The following ZSWIM7 variants were observed in gnomAD, a reference collection of about 807,000 sequenced individuals.
The protein encoded by ZSWIM7 is zinc finger SWIM-type containing 7.
ZSWIM7 carries 22 observed loss-of-function variants against 21.1 expected under a neutral mutation model. The observed-to-expected ratio is 1.04, with a 90% CI of 0.74 to 1.49. The LOEUF (loss-of-function observed/expected upper bound fraction) is 1.49, where lower values mean the gene tolerates loss of function less well. Among genes scored for constraint, ZSWIM7 ranks in the 40% most tolerant of loss-of-function variants. The probability of loss-of-function intolerance (pLI) is 0.00; values close to 1 mark genes in which losing one functional copy is unlikely to be tolerated. For synonymous variants in ZSWIM7, 67 were observed against 66.5 expected (o/e 1.01, Z -0.04); for missense variants, 193 against 168.0 (o/e 1.15, Z -0.82).
At chr17:15,992,041 C>A (rs1248204699) in intron 2 of ZSWIM7, among the ~76,000 whole-genome samples, 3 of 151,954 alleles carry the variant, frequency 2.0e-5, no homozygotes, top group Admixed American at 6.6e-5. Context: ...ATTCTCCTGC[C>A]TCAGCCCCCC....
At chr17:15,995,239 A>G (rs1244295216) in intron 1 of ZSWIM7, among the ~76,000 whole-genome samples, 44 of 151,856 alleles carry the variant, frequency 2.9e-4, no homozygotes, top group Non-Finnish European at 1.5e-5. Flanking sequence ...GTCTGAGGCC[A>G]GCCTGGGCAA....
Position 15,999,647 on chromosome 17 carries a change from T to G in ZSWIM7, c.-53A>C. ...CGGCGGACCGCCGCGACGCTCCAGC[T>G]GACTGCGCCTACCTGTGGAGGATCC... On this transcript the variant is annotated 5_prime_UTR_variant, in exon 1 of 5. Coordinates refer to ENST00000399277, the MANE Select transcript of ZSWIM7 (RefSeq NM_001042697.2). 6.4e-7 allele frequency: 1 copy of G among 1,565,484 alleles called. No individual in the cohort carries two copies. Among genetic ancestry groups the G allele is most frequent in the Non-Finnish European group, 8.6e-7 (1 of 1,156,250 alleles).
intron 4 of ZSWIM7, among the ~76,000 whole-genome samples, chr17:15,978,822 T>C (rs1232988747): frequency 6.6e-6 from 1 of 152,134 alleles, no homozygotes; most frequent in Non-Finnish European, 1.5e-5. Context: ...ACAGCAATGG[T>C]TAACATTCCT....
At chr17:15,985,097 A>G (rs1331211218) in intron 3 of ZSWIM7, among the ~76,000 whole-genome samples, 1 of 152,212 alleles carries the variant, frequency 6.6e-6, no homozygotes, top group Non-Finnish European at 1.5e-5. Context: ...TGAGGTCAGG[A>G]GTTTGAGACC....
At chr17:15,987,141 G>A in intron 3 of ZSWIM7, 125 bp downstream of exon 3, 1 of 673,644 alleles carries the variant, frequency 1.5e-6, no homozygotes, top group Non-Finnish European at 2.3e-6. Context: ...ATTTTACCAA[G>A]TTGGGGCAAA....
chr17:15,996,361 CAG>C (rs967705520), intron 1 of ZSWIM7, among the ~76,000 whole-genome samples: 10 of 151,950 alleles, frequency 6.6e-5, no homozygotes, highest in Non-Finnish European at 1.5e-4. Context: ...AAGCCTCAAA[CAG>C]GGGCCGGTGT....
rs113240570 is a variant in ZSWIM7, at chr17:15,980,647, G to A, written c.306+393C>T. 3.0e-4 allele frequency among the ~76,000 whole-genome samples: 45 copies of A among 152,296 alleles called. 1 individual carries two copies. The highest frequency in any genetic ancestry group is 2.9e-4 in the African/African-American group (12 of 41,568). ...TACTCATGCCCCATGTGAAGGTCAA[G>A]TGTGGTGTCAGGCTGTCTCACAGGT... On this transcript the variant is annotated intron_variant, in intron 4 of 4. Coordinates refer to ENST00000399277, the MANE Select transcript of ZSWIM7 (RefSeq NM_001042697.2).
At chr17:15,993,095 C>G (rs1188202991) in intron 2 of ZSWIM7, among the ~76,000 whole-genome samples, 1 of 152,018 alleles carries the variant, frequency 6.6e-6, no homozygotes, top group Admixed American at 6.6e-5. Context: ...TCAGGCTGGT[C>G]TTGAACTCCT....
At chr17:15,982,029 C>T (rs1201499477) in intron 3 of ZSWIM7, among the ~76,000 whole-genome samples, 1 of 152,142 alleles carries the variant, frequency 6.6e-6, no homozygotes, top group African/African-American at 2.4e-5. Flanking sequence ...AATGACTCAG[C>T]TGTTCAGGAT....
In ZSWIM7 at chr17:15,976,704, G is replaced by C. The variant is rs1970281993; in HGVS notation, c.*1343C>G. 1 of 152,134 alleles carries C rather than the reference G, an allele frequency of 6.6e-6. No individual in the cohort carries two copies. Among genetic ancestry groups the C allele is most frequent in the African/African-American group, 2.4e-5 (1 of 41,440 alleles). The allele number at this position is 152,134 out of a possible 1,614,324, so 9.4% of individuals were successfully genotyped here. A position where few individuals can be genotyped will look rare whatever the true frequency, so the allele number is the denominator to read the frequency against. ...TCATTCACTAGCACCTCATGTTTTG[G>C]GGGCACAAGCACAGGGCTTTCTTAG... On this transcript the variant is annotated 3_prime_UTR_variant, in exon 5 of 5. Coordinates refer to ENST00000399277, the MANE Select transcript of ZSWIM7 (RefSeq NM_001042697.2).
intron 4 of ZSWIM7, among the ~76,000 whole-genome samples, chr17:15,979,788 C>CA (rs1970329986): frequency 8.6e-6 from 1 of 116,600 alleles, no homozygotes; most frequent in Non-Finnish European, 1.8e-5. Flanking sequence ...GCTGGCCGGG[C>CA]GGGGGGCTGA....
intron 3 of ZSWIM7, among the ~76,000 whole-genome samples, chr17:15,982,943 A>C (rs1368506876): frequency 6.6e-6 from 1 of 152,140 alleles, no homozygotes; most frequent in African/African-American, 2.4e-5. Context: ...ATGAGCTACC[A>C]CACCCAGCCT....
At chr17:15,979,538 G>A (rs1172124760) in intron 4 of ZSWIM7, among the ~76,000 whole-genome samples, 3 of 151,956 alleles carry the variant, frequency 2.0e-5, no homozygotes, top group Admixed American at 1.3e-4. Flanking sequence ...CCGGGCAGAG[G>A]GGCTCCTCAC....
At chr17:15,986,543 T>C (rs1970413357) in intron 3 of ZSWIM7, among the ~76,000 whole-genome samples, 2 of 151,990 alleles carry the variant, frequency 1.3e-5, no homozygotes, top group Non-Finnish European at 2.9e-5. Context: ...GGAGGACTGC[T>C]TGAGGCCAGG....
At chr17:15,979,938 C>T (rs1162131648) in intron 4 of ZSWIM7, among the ~76,000 whole-genome samples, 1 of 109,298 alleles carries the variant, frequency 9.1e-6, no homozygotes, top group Non-Finnish European at 1.9e-5. Flanking sequence ...CCGGACGGGG[C>T]GGCTGGCCGG....
chr17:15,987,269 G>A lies in ZSWIM7; in HGVS notation c.198C>T (p.Tyr66=), dbSNP rs767640416. The A allele has an allele frequency of 6.2e-7, 1 of 1,611,852 alleles. No individual in the cohort carries two copies. The highest frequency in any genetic ancestry group is 1.7e-5 in the Admixed American group (1 of 59,542). ...LISSPSGRRV[Y]QVLGSSSKTY... ...ACCCCCATCTCTAGACTTCTACCTGGTAAACACGCCTTCCACTGGGTGATG... is the reference window on the plus strand; with the variant it reads ...ACCCCCATCTCTAGACTTCTACCTGATAAACACGCCTTCCACTGGGTGATG... The change falls in exon 3 of 5, where the codon TAC becomes TAT. Residue 66 remains tyrosine (Y), a synonymous_variant. Coordinates refer to ENST00000399277, the MANE Select transcript of ZSWIM7 (RefSeq NM_001042697.2).
intron 1 of ZSWIM7, 175 bp from the exon 2 acceptor site, chr17:15,993,953 C>A: frequency 2.0e-6 from 1 of 500,376 alleles, no homozygotes; most frequent in Admixed American, 3.7e-5. Context: ...AAAGGATTTC[C>A]TTTTTCTTTT....
chr17:15,989,214 T>C (rs994088071), intron 2 of ZSWIM7, among the ~76,000 whole-genome samples: 1 of 152,204 alleles, frequency 6.6e-6, no homozygotes, highest in Non-Finnish European at 1.5e-5. Flanking sequence ...AGAAAATTCT[T>C]ATAATATTAG....
intron 2 of ZSWIM7, among the ~76,000 whole-genome samples, chr17:15,991,933 GT>G (rs1337184322): frequency 1.5e-5 from 2 of 137,168 alleles, no homozygotes; most frequent in African/African-American, 5.9e-5. Flanking sequence ...GTTTTGTTTT[GT>G]TTTTTTTTTG....
Sources: gnomAD v4.1 joint callset for allele counts (sites outside exome capture counted in the v4.1 genomes callset) on GRCh38, gnomAD v4.1.1 for gene constraint, MANE v1.5 for transcripts, NCBI Gene and HGNC (gene_info 2026-07-23, HGNC 2026-07-21) for gene names.